The following SLIT2 variants were observed in gnomAD, a reference collection of about 807,000 sequenced individuals.
SLIT2 encodes the protein slit homolog 2 protein.
A neutral mutation model predicts 185.7 loss-of-function variants in SLIT2; 41 were observed. That is an observed-to-expected ratio of 0.22 (90% CI 0.17 to 0.29). The LOEUF (loss-of-function observed/expected upper bound fraction) is 0.29, where lower values mean the gene tolerates loss of function less well. Among genes scored for constraint, SLIT2 ranks in the 10% least tolerant of loss-of-function variants. The pLI is 1.00. For synonymous variants in SLIT2, 693 were observed against 680.2 expected (o/e 1.02, Z -0.29); for missense variants, 1,571 against 1,909.0 (o/e 0.82, Z 3.30).
At chr4:20,401,605 AC>A (rs1208993176) in intron 4 of SLIT2, among the ~76,000 whole-genome samples, 1 of 151,792 alleles carries the variant, frequency 6.6e-6, no homozygotes. Context: ...CAGTTCCAAG[AC>A]CTAGATTCAG....
intron 4 of SLIT2, among the ~76,000 whole-genome samples, chr4:20,333,960 C>T (rs997644659): frequency 6.6e-6 from 1 of 152,066 alleles, no homozygotes; most frequent in Non-Finnish European, 1.5e-5. Context: ...AGATTGGTGC[C>T]AATTGATGCA....
At chr4:20,530,892 A>G (rs1257337270) in intron 16 of SLIT2, among the ~76,000 whole-genome samples, 1 of 151,992 alleles carries the variant, frequency 6.6e-6, no homozygotes, top group Non-Finnish European at 1.5e-5. Flanking sequence ...AAACTGCTCA[A>G]TATCATTAGT....
At chr4:20,497,865 T>C (rs1292685849) in intron 9 of SLIT2, among the ~76,000 whole-genome samples, 2 of 151,944 alleles carry the variant, frequency 1.3e-5, no homozygotes, top group African/African-American at 4.8e-5. Flanking sequence ...CCATTCTTTA[T>C]ACTAAAACAA....
At chr4:20,433,948 A>G (rs1729162215) in intron 4 of SLIT2, among the ~76,000 whole-genome samples, 1 of 152,182 alleles carries the variant, frequency 6.6e-6, no homozygotes, top group South Asian at 2.1e-4. Context: ...ATTTTTTTAA[A>G]GCTTCACTTA....
intron 24 of SLIT2, 113 bp from the exon 25 acceptor site, chr4:20,550,714 G>C (rs562512444): frequency 1.9e-6 from 1 of 535,562 alleles, no homozygotes; most frequent in Non-Finnish European, 3.2e-6. Flanking sequence ...TTTATAGACC[G>C]TCTTTTCTGC....
chr4:20,255,367 G>A (rs1711704684), intron 1 of SLIT2, among the ~76,000 whole-genome samples: 1 of 152,182 alleles, frequency 6.6e-6, no homozygotes, highest in African/African-American at 2.4e-5. Flanking sequence ...GCCTCACTAG[G>A]TTACCCTTAC....
Position 20,347,165 on chromosome 4 carries a change from G to C in SLIT2, c.395+78284G>C, listed in dbSNP as rs184498789. On this transcript the variant is annotated intron_variant, in intron 4 of 36. Transcript: ENST00000504154. ...ATGGTAAAGAAAAGGAAGCGGATTG[G>C]CACTTATGTGTCAGCAAGATGTTAT... 2.0e-4 allele frequency among the ~76,000 whole-genome samples: 30 copies of C among 152,292 alleles called. No individual in the cohort carries two copies. The East Asian group carries it at 5.8e-3, about 29-fold the overall frequency.
intron 14 of SLIT2, among the ~76,000 whole-genome samples, chr4:20,524,662 CA>C: frequency 6.6e-6 from 1 of 152,300 alleles, no homozygotes; most frequent in South Asian, 2.1e-4. Context: ...TGCACTTTCT[CA>C]GTTTGCATTC....
At chr4:20,290,683 A>T (rs1179765176) in intron 4 of SLIT2, among the ~76,000 whole-genome samples, 2 of 151,568 alleles carry the variant, frequency 1.3e-5, no homozygotes, top group Non-Finnish European at 2.9e-5. Flanking sequence ...AGTGTCTGGC[A>T]TATGGTGGTT....
At chr4:20,449,457 G>A (rs1458948386) in intron 4 of SLIT2, among the ~76,000 whole-genome samples, 1 of 152,130 alleles carries the variant, frequency 6.6e-6, no homozygotes, top group Admixed American at 6.5e-5. Flanking sequence ...CGCATAGACT[G>A]GAGTGCAGTG....
intron 4 of SLIT2, among the ~76,000 whole-genome samples, chr4:20,455,213 T>A (rs965863749): frequency 2.6e-5 from 4 of 152,132 alleles, no homozygotes; most frequent in African/African-American, 9.7e-5. Context: ...GTTCAAATTC[T>A]AGCATGATCA....
At chr4:20,570,308 T>C (rs1218039711) in intron 29 of SLIT2, among the ~76,000 whole-genome samples, 2 of 152,034 alleles carry the variant, frequency 1.3e-5, no homozygotes, top group Admixed American at 6.6e-5. Flanking sequence ...TTTGATATTT[T>C]ACATAAACAA....
At chr4:20,312,623 A>G (rs902990840) in intron 4 of SLIT2, among the ~76,000 whole-genome samples, 3 of 151,640 alleles carry the variant, frequency 2.0e-5, no homozygotes, top group Non-Finnish European at 4.4e-5. Context: ...AATACAAAAA[A>G]ATTAGCGGGT....
chr4:20,498,484 G>A (rs1372168890), intron 9 of SLIT2, among the ~76,000 whole-genome samples: 1 of 152,190 alleles, frequency 6.6e-6, no homozygotes, highest in African/African-American at 2.4e-5. Flanking sequence ...ATCACCTTTT[G>A]AGGTATACAA....
At chr4:20,530,098 AT>A (rs34101661) in intron 16 of SLIT2, among the ~76,000 whole-genome samples, 19,746 of 147,850 alleles carry the variant, frequency 0.13, 1,395 homozygotes, top group East Asian at 0.27. Context: ...AGTTATAGTG[AT>A]TTTTTTTTTT....
chr4:20,411,658 A>G (rs1038269612), intron 4 of SLIT2, among the ~76,000 whole-genome samples: 2 of 152,238 alleles, frequency 1.3e-5, no homozygotes, highest in African/African-American at 2.4e-5. Context: ...TAGAGCTTCA[A>G]GATAACCCAG....
At chr4:20,450,542 C>A (rs915419203) in intron 4 of SLIT2, among the ~76,000 whole-genome samples, 10 of 152,102 alleles carry the variant, frequency 6.6e-5, no homozygotes, top group Non-Finnish European at 1.5e-4. Flanking sequence ...TCCAGATGGA[C>A]AAGACCATAT....
At chr4:20,450,382 T>G (rs1712336812) in intron 4 of SLIT2, among the ~76,000 whole-genome samples, 1 of 152,200 alleles carries the variant, frequency 6.6e-6, no homozygotes, top group South Asian at 2.1e-4. Flanking sequence ...ATTTTGTATT[T>G]TGTCACATTA....
intron 4 of SLIT2, among the ~76,000 whole-genome samples, chr4:20,292,110 G>A (rs1716010832): frequency 6.6e-6 from 1 of 152,262 alleles, no homozygotes; most frequent in Admixed American, 6.5e-5. Context: ...AGATTTGTTA[G>A]CCAATTCTCC....
Sources: gnomAD v4.1 joint callset for allele counts (sites outside exome capture counted in the v4.1 genomes callset) on GRCh38, gnomAD v4.1.1 for gene constraint, MANE v1.5 for transcripts, NCBI Gene and HGNC (gene_info 2026-07-23, HGNC 2026-07-21) for gene names.